Variants in MAP3K19 observed in about 807,000 individuals in gnomAD.
The protein encoded by MAP3K19 is mitogen-activated protein kinase kinase kinase 19.
A neutral mutation model predicts 114.4 loss-of-function variants in MAP3K19; 91 were observed. The observed-to-expected ratio is 0.80, with a 90% CI of 0.67 to 0.95. The LOEUF (loss-of-function observed/expected upper bound fraction) is 0.95, where lower values mean the gene tolerates loss of function less well. MAP3K19 is among the 40% of genes least tolerant of loss of function. The probability of loss-of-function intolerance (pLI) is 0.00; values close to 1 mark genes in which losing one functional copy is unlikely to be tolerated. For missense variants in MAP3K19, 1,471 were observed against 1,573.2 expected (o/e 0.94, Z 1.10); for synonymous variants, 518 against 530.5 (o/e 0.98, Z 0.32).
intron 10 of MAP3K19, 27 bp downstream of exon 10, chr2:134,985,773 T>A: frequency 6.4e-7 from 1 of 1,552,352 alleles, no homozygotes; most frequent in Non-Finnish European, 8.7e-7. Context: ...CCCACCCCAA[T>A]GAATCTTGGA....
chr2:134,972,577 G>T (rs570443232), intron 12 of MAP3K19, among the ~76,000 whole-genome samples: 1 of 151,830 alleles, frequency 6.6e-6, no homozygotes, highest in African/African-American at 2.4e-5. Context: ...TCCCACCCTA[G>T]CCTACCAAGT....
rs1285651979 is a variant in MAP3K19, at chr2:134,987,676, T to A, written c.1196A>T (p.His399Leu). The change falls in exon 10 of 13, where the codon CAT becomes CTT. Residue 399 changes from histidine to leucine, a missense_variant. By Grantham distance (99) the His-to-Leu change is moderately conservative. Coordinates refer to ENST00000392915, the MANE Select transcript of MAP3K19 (RefSeq NM_025052.5). ...ATCCTGGCTTGGAGTTATTTCTGAA[T>A]GCTGGGTTTCTTGGAACTTGCTTGG... ...TIPSKFQETQ[H>L]SEITPSQDEE... 4 of 1,613,760 alleles carry A rather than the reference T, an allele frequency of 2.5e-6. No homozygotes were observed. Among genetic ancestry groups the A allele is most frequent in the Non-Finnish European group, 2.5e-6 (3 of 1,180,050 alleles).
intron 1 of MAP3K19, among the ~76,000 whole-genome samples, chr2:135,046,133 T>C (rs1347733159): frequency 6.6e-6 from 1 of 152,188 alleles, no homozygotes; most frequent in Non-Finnish European, 1.5e-5. Flanking sequence ...AGTCTCACTA[T>C]GTTGCCCAGG....
At chr2:135,039,550 CT>C (rs1688606227) in intron 2 of MAP3K19, among the ~76,000 whole-genome samples, 1 of 152,124 alleles carries the variant, frequency 6.6e-6, no homozygotes, top group Non-Finnish European at 1.5e-5. Flanking sequence ...TGCCACTGTA[CT>C]CCAGCCTGGT....
chr2:134,965,017 C>G, intron 12 of MAP3K19, 101 bp from the exon 13 acceptor site: 1 of 886,394 alleles, frequency 1.1e-6, no homozygotes, highest in Admixed American at 2.2e-5. Flanking sequence ...AATACAACTT[C>G]TGATAGTCAA....
chr2:135,005,374 G>A, intron 6 of MAP3K19, 61 bp downstream of exon 6: 1 of 1,234,902 alleles, frequency 8.1e-7, no homozygotes. Flanking sequence ...TTCTGAAATT[G>A]GAGAGAAGCC....
chr2:135,031,241 C>G (rs1688373276), intron 2 of MAP3K19, among the ~76,000 whole-genome samples: 2 of 151,394 alleles, frequency 1.3e-5, no homozygotes, highest in South Asian at 4.2e-4. Context: ...GGGGGCACTT[C>G]GACAAAATCT....
rs1235049214 is a variant in MAP3K19 at position 135,005,456 on chromosome 2, C to A, written c.214G>T (p.Asp72Tyr). 1 of 1,613,702 alleles carries A rather than the reference C, an allele frequency of 6.2e-7. No homozygotes were observed. Among genetic ancestry groups the A allele is most frequent in the South Asian group, 1.1e-5 (1 of 91,070 alleles). Residue 72 changes from aspartate to tyrosine, a missense_variant, in exon 6 of 13, where the codon GAC becomes TAC. Transcript: ENST00000392915. ...GTACCTTCTGTCCTGGGTTGCCAGT[C>A]CTGTCTACCACCACTGGGATCTTCT... ...EEEDPSGGRQ[D>Y]WQPRTEGVEI...
At chr2:134,966,997 T>C (rs1433352709) in intron 12 of MAP3K19, among the ~76,000 whole-genome samples, 1 of 152,214 alleles carries the variant, frequency 6.6e-6, no homozygotes, top group Non-Finnish European at 1.5e-5. Context: ...ACAATTTCTT[T>C]GCTGAGATGT....
At chr2:134,978,932 A>C (rs1034214568) in intron 12 of MAP3K19, among the ~76,000 whole-genome samples, 1 of 152,164 alleles carries the variant, frequency 6.6e-6, no homozygotes, top group Non-Finnish European at 1.5e-5. Context: ...CAACAAAGCT[A>C]AACTCCTTGG....
chr2:134,974,854 G>A (rs1684114591), intron 12 of MAP3K19, among the ~76,000 whole-genome samples: 1 of 152,286 alleles, frequency 6.6e-6, no homozygotes, highest in South Asian at 2.1e-4. Context: ...CTTTCATAAG[G>A]GAAGACTCTT....
At position 134,999,392 on chromosome 2, in the gene MAP3K19, T is replaced by G. The variant is rs1322957013; in HGVS notation, c.315-395A>C. Among the ~76,000 whole-genome samples, 2 of 152,230 alleles carry G rather than the reference T, an allele frequency of 1.3e-5. No individual in the cohort carries two copies. Among genetic ancestry groups the G allele is most frequent in the African/African-American group, 2.4e-5 (1 of 41,448 alleles). On this transcript the variant is annotated intron_variant, in intron 7 of 12. Coordinates refer to ENST00000392915, the MANE Select transcript of MAP3K19 (RefSeq NM_025052.5). This position sits in a 1 kb window ranked among gnomAD's most constrained non-coding sequence, Gnocchi z 4.1. ...ATTTCCAGTCATTGTGAACTGATAC[T>G]TTTGTAAAATATAAATGAATTGCCA...
chr2:134,981,866 C>T (rs1439450622), intron 11 of MAP3K19, among the ~76,000 whole-genome samples: 1 of 149,654 alleles, frequency 6.7e-6, no homozygotes, highest in African/African-American at 2.5e-5. Context: ...ATACTTGCCT[C>T]AGAGATTTCT....
At chr2:134,971,728 G>T (rs1683893403) in intron 12 of MAP3K19, among the ~76,000 whole-genome samples, 1 of 151,530 alleles carries the variant, frequency 6.6e-6, no homozygotes, top group African/African-American at 2.4e-5. Flanking sequence ...GTTCTCTGGT[G>T]GGTTTTTTCA....
chr2:134,984,304 C>A (rs770689044), intron 10 of MAP3K19, among the ~76,000 whole-genome samples: 3 of 152,164 alleles, frequency 2.0e-5, no homozygotes, highest in Non-Finnish European at 4.4e-5. Context: ...CATAGAGACA[C>A]ACAAACTCAT....
chr2:134,999,917 C>T lies in MAP3K19; in HGVS notation c.314+20G>A, dbSNP rs538844712. ...TTCATACTTCATTTCAAATCTGATA[C>T]TTCAAAGAATATTCCTTACTTCTTT... On this transcript the variant is annotated intron_variant, in intron 7 of 12. Transcript: ENST00000392915. This position sits in a 1 kb window ranked among gnomAD's most constrained non-coding sequence, Gnocchi z 4.1. 63 of 1,509,776 alleles carry T rather than the reference C, an allele frequency of 4.2e-5. No homozygotes were observed. In the East Asian group the frequency reaches 1.4e-3, roughly 34 times the overall value. 93.5% of individuals were successfully genotyped at this position (1,509,776 alleles called of 1,614,324 possible).
intron 9 of MAP3K19, among the ~76,000 whole-genome samples, chr2:134,989,865 C>G (rs1685431993): frequency 6.6e-6 from 1 of 152,062 alleles, no homozygotes; most frequent in Non-Finnish European, 1.5e-5. Flanking sequence ...TCGGATCACT[C>G]AAGGTCAGGA....
intron 12 of MAP3K19, among the ~76,000 whole-genome samples, chr2:134,976,799 C>G (rs912416702): frequency 2.0e-5 from 3 of 151,396 alleles, no homozygotes; most frequent in African/African-American, 7.3e-5. Flanking sequence ...GTAATCTCAG[C>G]ACTTTGGGAG....
Position 134,980,804 on chromosome 2 carries a change from T to A in MAP3K19, c.3920+17A>T, listed in dbSNP as rs746811020. ...CTCCGGGCATTTATCTTCCTCCTCTTGCTTTCAGTTTCTTACCTGGTCAGG... is the reference window on the plus strand; with the variant it reads ...CTCCGGGCATTTATCTTCCTCCTCTAGCTTTCAGTTTCTTACCTGGTCAGG... On this transcript the variant is annotated intron_variant, in intron 12 of 12. Transcript: ENST00000392915. 5.0e-6 allele frequency: 8 copies of A among 1,600,546 alleles called. No homozygotes were observed. The South Asian group carries it at 8.8e-5, about 18-fold the overall frequency.
Sources: gnomAD v4.1 joint callset for allele counts (sites outside exome capture counted in the v4.1 genomes callset) on GRCh38, gnomAD v4.1.1 for gene constraint, Gnocchi (gnomAD v3.1) non-coding constraint, MANE v1.5 for transcripts, NCBI Gene and HGNC (gene_info 2026-07-23, HGNC 2026-07-21) for gene names.